The following CSGALNACT2 variants were observed in gnomAD, a reference collection of about 807,000 sequenced individuals.
The protein encoded by CSGALNACT2 is chondroitin sulfate N-acetylgalactosaminyltransferase 2.
A neutral mutation model predicts 55.3 loss-of-function variants in CSGALNACT2; 35 were observed. The ratio of observed to expected loss-of-function variants is 0.63; its 90% CI spans 0.48 to 0.84. The LOEUF is 0.84. Ranked by LOEUF, CSGALNACT2 falls within the 40% of genes least tolerant of loss-of-function variation. The pLI is 0.00. For synonymous variants in CSGALNACT2, 196 were observed against 224.9 expected (o/e 0.87, Z 1.15); for missense variants, 544 against 657.5 (o/e 0.83, Z 1.89).
At chr10:43,147,296 A>C (rs1166219468) in intron 1 of CSGALNACT2, among the ~76,000 whole-genome samples, 1 of 152,036 alleles carries the variant, frequency 6.6e-6, no homozygotes, top group South Asian at 2.1e-4. Context: ...TCAAGTGTTT[A>C]TTTGAAGGGT....
At chr10:43,162,778 T>G (rs1839179811) in intron 4 of CSGALNACT2, 1 of 900,438 alleles carries the variant, frequency 1.1e-6, no homozygotes. Context: ...CCCTAGCATC[T>G]GATTCAGTGG....
chr10:43,179,247 C>T (rs1166665689), intron 7 of CSGALNACT2, among the ~76,000 whole-genome samples: 12 of 145,408 alleles, frequency 8.3e-5, no homozygotes, highest in East Asian at 5.9e-4. Flanking sequence ...TGTTGCTTGC[C>T]GGTTTTTTTT....
At chr10:43,175,576 C>G (rs1839462581) in intron 6 of CSGALNACT2, among the ~76,000 whole-genome samples, 1 of 152,120 alleles carries the variant, frequency 6.6e-6, no homozygotes, top group South Asian at 2.1e-4. Flanking sequence ...CAGGTAATTA[C>G]CAGAACAAAA....
intron 7 of CSGALNACT2, among the ~76,000 whole-genome samples, chr10:43,182,675 C>G (rs12262152): frequency 6.7e-6 from 1 of 149,674 alleles, no homozygotes; most frequent in Non-Finnish European, 1.5e-5. Context: ...ACCCAAAGTT[C>G]GAGACCAGCC....
chr10:43,160,609 A>G lies in CSGALNACT2; in HGVS notation c.980+14A>G. 1 of 1,144,562 alleles carries G rather than the reference A, an allele frequency of 8.7e-7. No individual in the cohort carries two copies. Among genetic ancestry groups the G allele is most frequent in the South Asian group, 1.2e-5 (1 of 80,904 alleles). 70.9% of individuals were successfully genotyped at this position (1,144,562 alleles called of 1,614,324 possible). On this transcript the variant is annotated intron_variant, in intron 4 of 7. Transcript: ENST00000374466. ...ATCTGTCACCAGGTTGGTGAACCACATCTGCAGTGAAGGCCTTGATATATA... is the reference window on the plus strand; with the variant it reads ...ATCTGTCACCAGGTTGGTGAACCACGTCTGCAGTGAAGGCCTTGATATATA...
chr10:43,154,726 C>CA (rs369196889), intron 1 of CSGALNACT2, among the ~76,000 whole-genome samples, 171 bp from the exon 2 acceptor site: 7,814 of 99,656 alleles, frequency 0.078, 210 homozygotes, highest in Middle Eastern at 0.13. Context: ...GACTCCATCT[C>CA]AAAAAAAAAA....
chr10:43,179,917 TA>T (rs1253126801), intron 7 of CSGALNACT2, among the ~76,000 whole-genome samples: 8 of 152,358 alleles, frequency 5.3e-5, no homozygotes, highest in African/African-American at 1.9e-4. Flanking sequence ...CTATTTTAAA[TA>T]AAGTCAGTTC....
Position 43,183,804 on chromosome 10 carries a change from A to C in CSGALNACT2, c.*262A>C. ...TTTGTCCCAAAAGTTGTTTTGAGTT[A>C]GTTCTACCTGGTGCCCATGTTCTGA... On this transcript the variant is annotated 3_prime_UTR_variant, in exon 8 of 8. Transcript: ENST00000374466. 2.1e-6 allele frequency: 1 copy of C among 468,728 alleles called. No homozygotes were observed. Among genetic ancestry groups the C allele is most frequent in the Non-Finnish European group, 3.9e-6 (1 of 256,032 alleles). 29.0% of individuals were successfully genotyped at this position (468,728 alleles called of 1,614,324 possible). A position where few individuals can be genotyped will look rare whatever the true frequency, so the allele number is the denominator to read the frequency against.
At chr10:43,151,386 G>A (rs1243507086) in intron 1 of CSGALNACT2, among the ~76,000 whole-genome samples, 1 of 152,122 alleles carries the variant, frequency 6.6e-6, no homozygotes, top group Non-Finnish European at 1.5e-5. Context: ...CAGGATTAGT[G>A]CCATGTTTAG....
At chr10:43,153,907 C>T (rs1028091654) in intron 1 of CSGALNACT2, among the ~76,000 whole-genome samples, 1 of 152,154 alleles carries the variant, frequency 6.6e-6, no homozygotes, top group Non-Finnish European at 1.5e-5. Context: ...ATATAGACTC[C>T]AAACCTTTCT....
intron 3 of CSGALNACT2, among the ~76,000 whole-genome samples, chr10:43,159,646 TA>T (rs1228253484): frequency 2.0e-5 from 3 of 152,218 alleles, no homozygotes; most frequent in African/African-American, 7.2e-5. Flanking sequence ...AACATTAAAC[TA>T]AAAATTGGAG....
At chr10:43,158,208 C>T (rs1839060821) in intron 2 of CSGALNACT2, among the ~76,000 whole-genome samples, 1 of 147,560 alleles carries the variant, frequency 6.8e-6, no homozygotes, top group African/African-American at 2.5e-5. Flanking sequence ...ATATATATCA[C>T]ATAGCACTAT....
intron 2 of CSGALNACT2, among the ~76,000 whole-genome samples, chr10:43,156,828 A>G (rs1297750614): frequency 1.3e-5 from 2 of 152,184 alleles, no homozygotes; most frequent in Non-Finnish European, 2.9e-5. Context: ...GGCTCCCATC[A>G]CTCACCTCTT....
chr10:43,165,587 G>A (rs148761640), intron 5 of CSGALNACT2, among the ~76,000 whole-genome samples: 1 of 152,254 alleles, frequency 6.6e-6, no homozygotes, highest in East Asian at 1.9e-4. Context: ...GCACTTGAGT[G>A]CAGGAGTTCA....
Position 43,142,751 on chromosome 10 carries a change from A to G in CSGALNACT2, c.-254+4184A>G, listed in dbSNP as rs572657445. 5.9e-5 allele frequency among the ~76,000 whole-genome samples: 9 copies of G among 152,344 alleles called. No individual in the cohort carries two copies. In the South Asian group the frequency reaches 1.9e-3, roughly 32 times the overall value. On this transcript the variant is annotated intron_variant, in intron 1 of 7. Transcript: ENST00000374466. The stretch of plus-strand genomic sequence containing the variant: ...CTTATGCATATATAGGAATTTTGCT[A>G]ATGATAAAGATGGCATTTCAAACTA...
intron 2 of CSGALNACT2, 47 bp from the exon 3 acceptor site, chr10:43,158,668 G>A: frequency 8.9e-7 from 1 of 1,123,970 alleles, no homozygotes; most frequent in Middle Eastern, 2.0e-4. Flanking sequence ...CATTGAATTT[G>A]TAAACTTTGA....
intron 4 of CSGALNACT2, chr10:43,162,055 A>C: frequency 2.1e-6 from 1 of 475,866 alleles, no homozygotes; most frequent in Non-Finnish European, 4.2e-6. Flanking sequence ...CCCAGAAATA[A>C]AGGGATTGTT....
At chr10:43,153,944 T>C (rs1216073352) in intron 1 of CSGALNACT2, among the ~76,000 whole-genome samples, 1 of 152,240 alleles carries the variant, frequency 6.6e-6, no homozygotes, top group Non-Finnish European at 1.5e-5. Flanking sequence ...TGTTGATGCA[T>C]AATACAGTGG....
At chr10:43,161,315 T>A (rs1024516909) in intron 4 of CSGALNACT2, among the ~76,000 whole-genome samples, 1 of 152,250 alleles carries the variant, frequency 6.6e-6, no homozygotes, top group Non-Finnish European at 1.5e-5. Flanking sequence ...AATGTTCTTC[T>A]TGTGTTTGTA....
Sources: gnomAD v4.1 joint callset for allele counts (sites outside exome capture counted in the v4.1 genomes callset) on GRCh38, gnomAD v4.1.1 for gene constraint, MANE v1.5 for transcripts, NCBI Gene and HGNC (gene_info 2026-07-23, HGNC 2026-07-21) for gene names.